The following TGFBRAP1 variants were observed in gnomAD, a reference collection of about 807,000 sequenced individuals.
TGFBRAP1 encodes the protein transforming growth factor beta receptor associated protein 1.
Under a neutral mutation model 83.2 loss-of-function variants are expected in TGFBRAP1, and 20 were observed. The ratio of observed to expected loss-of-function variants is 0.24; its 90% CI spans 0.17 to 0.35. The LOEUF is 0.35. Ranked by LOEUF, TGFBRAP1 falls within the 10% of genes least tolerant of loss-of-function variation. The probability of loss-of-function intolerance (pLI) is 1.00; values close to 1 mark genes in which losing one functional copy is unlikely to be tolerated. For synonymous variants in TGFBRAP1, 415 were observed against 459.8 expected (o/e 0.90, Z 1.25); for missense variants, 950 against 1,099.4 (o/e 0.86, Z 1.92).
In TGFBRAP1 at chr2:105,302,433, T is replaced by C. The variant is rs535167492; in HGVS notation, c.689-3728A>G. ...GAAAAAGACCCCAAATGTCCATCAA[T>C]AGATGGAACGCATTATGGTACCTCC... is the stretch of plus-strand genomic sequence containing the variant. On this transcript the variant is annotated intron_variant, in intron 2 of 11. Coordinates refer to ENST00000393359, the MANE Select transcript of TGFBRAP1 (RefSeq NM_004257.6). 5.9e-5 allele frequency among the ~76,000 whole-genome samples: 9 copies of C among 152,112 alleles called. No homozygotes were observed. The South Asian group carries it at 1.2e-3, about 21-fold the overall frequency.
chr2:105,250,800 C>T, the TGFBRAP1 span, among the ~76,000 whole-genome samples: 7 of 152,140 alleles, frequency 4.6e-5, no homozygotes, highest in South Asian at 2.1e-4. Context: ...ATTGCAGGCG[C>T]GCGCCGCCAC....
chr2:105,323,409 C>A (rs895138749), intron 1 of TGFBRAP1, among the ~76,000 whole-genome samples: 6 of 152,218 alleles, frequency 3.9e-5, no homozygotes, highest in Non-Finnish European at 8.8e-5. Flanking sequence ...ACCTTCCTAT[C>A]TCCCTTTGGC....
chr2:105,295,164 A>C (rs148998504), intron 4 of TGFBRAP1, among the ~76,000 whole-genome samples: 7 of 152,366 alleles, frequency 4.6e-5, no homozygotes, highest in African/African-American at 1.7e-4. Context: ...TGTAGAAAAG[A>C]GGTCCTGCTC....
the TGFBRAP1 span, among the ~76,000 whole-genome samples, chr2:105,253,431 C>T: frequency 6.6e-6 from 1 of 152,090 alleles, no homozygotes; most frequent in Non-Finnish European, 1.5e-5. Context: ...CCGCGCCTGG[C>T]CTTGTTTGTT....
At chr2:105,254,622 C>G in the TGFBRAP1 span, among the ~76,000 whole-genome samples, 2 of 151,798 alleles carry the variant, frequency 1.3e-5, no homozygotes, top group African/African-American at 4.9e-5. Context: ...TTTGAACAAG[C>G]AGAAGTAAGT....
intron 5 of TGFBRAP1, among the ~76,000 whole-genome samples, chr2:105,283,294 T>TGTAACTGTAATCATTTTCA (rs1241921340): frequency 1.3e-5 from 2 of 152,196 alleles, no homozygotes; most frequent in African/African-American, 4.8e-5. Flanking sequence ...CAACCGATTG[T>TGTAACTGTAATCATTTTCA]GTAACTGTAA....
chr2:105,323,748 C>T (rs1225810698), intron 1 of TGFBRAP1, among the ~76,000 whole-genome samples: 1 of 152,144 alleles, frequency 6.6e-6, no homozygotes, highest in East Asian at 1.9e-4. Context: ...CCTCCAATTC[C>T]CATGGGGGGT....
intron 1 of TGFBRAP1, among the ~76,000 whole-genome samples, chr2:105,309,144 T>G (rs559580937): frequency 2.8e-4 from 42 of 152,328 alleles, no homozygotes; most frequent in South Asian, 8.3e-4. Context: ...TGCAGAGAAC[T>G]GTGGCTTCAC....
At chr2:105,282,858 C>T (rs1209806203) in intron 5 of TGFBRAP1, among the ~76,000 whole-genome samples, 1 of 151,456 alleles carries the variant, frequency 6.6e-6, no homozygotes, top group East Asian at 1.9e-4. Context: ...TCCGTTCTCT[C>T]AGCCACACTT....
chr2:105,275,692 G>A lies in TGFBRAP1; in HGVS notation c.1533C>T (p.Asn511=), dbSNP rs745888952. The A allele has an allele frequency of 1.2e-6, 2 of 1,606,676 alleles. No homozygotes were observed. The highest frequency in any genetic ancestry group is 1.3e-5 in the African/African-American group (1 of 74,604). Residue 511 remains asparagine (N), a synonymous_variant, in exon 8 of 12, where the codon AAC becomes AAT. Coordinates refer to ENST00000393359, the MANE Select transcript of TGFBRAP1 (RefSeq NM_004257.6). ...QDAAAVQLWV[N]IVNGDVQDST... is the part of the protein sequence containing the mutation. ...AGTCCTGGACATCGCCATTCACAAT[G>A]TTCACCCACAACTGGAAAGGAATCA...
intron 6 of TGFBRAP1, among the ~76,000 whole-genome samples, chr2:105,278,086 GT>G: frequency 9.2e-6 from 1 of 108,246 alleles, no homozygotes; most frequent in Non-Finnish European, 2.4e-5. Flanking sequence ...GTGTGTGTGT[GT>G]GTGTGTGTGT....
In TGFBRAP1 at chr2:105,275,664, T is replaced by A; in HGVS notation, c.1561A>T (p.Thr521Ser). Residue 521 changes from threonine to serine, a missense_variant, in exon 8 of 12, where the codon ACA (threonine) becomes TCA (serine). Thr to Ser is a moderately conservative substitution (Grantham distance 58). Coordinates refer to ENST00000393359, the MANE Select transcript of TGFBRAP1 (RefSeq NM_004257.6). ...NIVNGDVQDS[T>S]RSDLYEYIVD... ...ATGTATTCATACAGGTCTGAGCGTG[T>A]GGAGTCCTGGACATCGCCATTCACA... The A allele has an allele frequency of 1.2e-6, 2 of 1,613,924 alleles. No individual in the cohort carries two copies. Among genetic ancestry groups the A allele is most frequent in the Non-Finnish European group, 1.7e-6 (2 of 1,179,976 alleles).
chr2:105,282,465 C>T (rs529610751), intron 5 of TGFBRAP1, among the ~76,000 whole-genome samples: 4 of 152,306 alleles, frequency 2.6e-5, no homozygotes, highest in Admixed American at 6.5e-5. Flanking sequence ...AATTTATTAG[C>T]AACATTTGCT....
intron 11 of TGFBRAP1, chr2:105,268,015 C>T (rs1319922404): frequency 2.3e-6 from 1 of 442,332 alleles, no homozygotes; most frequent in African/African-American, 2.1e-5. Flanking sequence ...GTGGCATATT[C>T]CTGGTTGGTC....
downstream of TGFBRAP1, among the ~76,000 whole-genome samples, chr2:105,263,134 G>A (rs574946953): frequency 2.4e-4 from 37 of 152,252 alleles, no homozygotes; most frequent in African/African-American, 8.2e-4. Context: ...CTAATCTGCC[G>A]TTGTAACATT....
In TGFBRAP1 at chr2:105,308,239, G is replaced by C. The variant is rs1454384399; in HGVS notation, c.63C>G (p.Asp21Glu). Residue 21 changes from aspartate to glutamate, a missense_variant, in exon 2 of 12, where the codon GAC (aspartate) becomes GAG (glutamate). Coordinates refer to ENST00000393359, the MANE Select transcript of TGFBRAP1 (RefSeq NM_004257.6). Reference protein sequence around the residue: ...SAVERELLMGDKERVNIECVE... With the variant: ...SAVERELLMGEKERVNIECVE... Reference sequence around the variant, plus strand: ...CGCACTCTATGTTGACGCGCTCCTTGTCGCCCATCAGCAGCTCCCGCTCCA... The same window carrying C: ...CGCACTCTATGTTGACGCGCTCCTTCTCGCCCATCAGCAGCTCCCGCTCCA... 2 of 1,614,204 alleles carry C rather than the reference G, an allele frequency of 1.2e-6. No homozygotes were observed. Among genetic ancestry groups the C allele is most frequent in the South Asian group, 2.2e-5 (2 of 91,084 alleles).
intron 1 of TGFBRAP1, 33 bp from the exon 2 acceptor site, chr2:105,308,351 GA>G: frequency 6.6e-7 from 1 of 1,524,682 alleles, no homozygotes; most frequent in Non-Finnish European, 8.8e-7. Context: ...AATTTTAGAG[GA>G]ACAAGGAAGA....
chr2:105,306,241 T>G (rs1256420425), intron 2 of TGFBRAP1, among the ~76,000 whole-genome samples: 1 of 151,764 alleles, frequency 6.6e-6, no homozygotes, highest in Non-Finnish European at 1.5e-5. Context: ...TTTGTATTTT[T>G]AGTAGAGACA....
Position 105,329,707 on chromosome 2 carries a change from C to T in TGFBRAP1, c.-100G>A, listed in dbSNP as rs980370060. On this transcript the variant is annotated 5_prime_UTR_variant, in exon 1 of 12. Transcript: ENST00000393359. Reference sequence around the variant, plus strand: ...TCCGGCCCGCGGCTCCTGGGCTGGCCCGACCCCGCAGCCGCCGCTTCCCGT... The same window carrying T: ...TCCGGCCCGCGGCTCCTGGGCTGGCTCGACCCCGCAGCCGCCGCTTCCCGT... 1.2e-4 allele frequency: 17 copies of T among 147,350 alleles called. No individual in the cohort carries two copies. The highest frequency in any genetic ancestry group is 1.5e-4 in the African/African-American group (6 of 40,948). The allele number at this position is 147,350 out of a possible 1,614,324, so 9.1% of individuals were successfully genotyped here.
Sources: gnomAD v4.1 joint callset for allele counts (sites outside exome capture counted in the v4.1 genomes callset) on GRCh38, gnomAD v4.1.1 for gene constraint, MANE v1.5 for transcripts, NCBI Gene and HGNC (gene_info 2026-07-23, HGNC 2026-07-21) for gene names.